Variants in DOCK7 observed in about 807,000 individuals in gnomAD.
DOCK7 encodes dedicator of cytokinesis protein 7.
A neutral mutation model predicts 271.0 loss-of-function variants in DOCK7; 138 were observed. The ratio of observed to expected loss-of-function variants is 0.51; its 90% CI spans 0.44 to 0.59. DOCK7 has a LOEUF of 0.59. Ranked by LOEUF, DOCK7 falls within the 20% of genes least tolerant of loss-of-function variation. DOCK7 has a pLI of 0.00. For synonymous variants in DOCK7, 823 were observed against 876.1 expected (o/e 0.94, Z 1.07); for missense variants, 2,066 against 2,592.4 (o/e 0.80, Z 4.41).
chr1:62,455,885 T>C lies in DOCK7; in HGVS notation c.6381-429A>G, dbSNP rs376968149. On this transcript the variant is annotated intron_variant, in intron 49 of 49. Coordinates refer to ENST00000635253, the MANE Select transcript of DOCK7 (RefSeq NM_001367561.1). Reference sequence around the variant, plus strand: ...ATTATTGAGAACCCCAGGAATCTTTTATGTGGGCTATATATGGATGTTTAT... The same window carrying C: ...ATTATTGAGAACCCCAGGAATCTTTCATGTGGGCTATATATGGATGTTTAT... Among the ~76,000 whole-genome samples, 35 of 152,336 alleles carry C rather than the reference T, an allele frequency of 2.3e-4. No homozygotes were observed. The South Asian group carries it at 7.2e-3, about 32-fold the overall frequency.
intron 21 of DOCK7, among the ~76,000 whole-genome samples, chr1:62,553,348 ATATATATT>A (rs1646008891): frequency 4.4e-5 from 1 of 22,620 alleles, no homozygotes; most frequent in East Asian, 1.8e-3. Flanking sequence ...ATATATATAT[ATATATATT>A]TTTTTTTTTT....
chr1:62,676,669 A>C (rs1660577473), intron 1 of DOCK7, among the ~76,000 whole-genome samples: 1 of 152,174 alleles, frequency 6.6e-6, no homozygotes, highest in Non-Finnish European at 1.5e-5. Context: ...CACTAAGAAA[A>C]TTTTGCACCC....
At chr1:62,617,462 A>C (rs1204132335) in intron 14 of DOCK7, among the ~76,000 whole-genome samples, 4 of 152,090 alleles carry the variant, frequency 2.6e-5, no homozygotes, top group Non-Finnish European at 5.9e-5. Context: ...AAGATAGCCA[A>C]ATTAGTAAGG....
At position 62,648,147 on chromosome 1, in the gene DOCK7, G is replaced by T. The variant is rs1254316274; in HGVS notation, c.691C>A (p.Arg231Ser). 5 of 1,613,288 alleles carry T rather than the reference G, an allele frequency of 3.1e-6. No homozygotes were observed. The highest frequency in any genetic ancestry group is 4.2e-6 in the Non-Finnish European group (5 of 1,179,602). The change falls in exon 6 of 50, where the codon CGT becomes AGT. Residue 231 changes from arginine (R) to serine (S), a missense_variant. By Grantham distance (110) the Arg-to-Ser change is moderately radical (BLOSUM62 -1). Coordinates refer to ENST00000635253, the MANE Select transcript of DOCK7 (RefSeq NM_001367561.1). ...RQNDDQRKSN[R>S]HKELFALHPS... is the part of the protein sequence containing the mutation. ...TGCAAAGCAAAAAGTTCTTTGTGAC[G>T]GTTTGATTTCCTTTGGTCATCATTC...
intron 14 of DOCK7, among the ~76,000 whole-genome samples, chr1:62,617,729 CTTTT>C (rs919688069): frequency 6.6e-6 from 1 of 151,342 alleles, no homozygotes; most frequent in African/African-American, 2.4e-5. Flanking sequence ...TTACCTGTTT[CTTTT>C]TTTTAATGTA....
intron 18 of DOCK7, among the ~76,000 whole-genome samples, chr1:62,564,862 G>A (rs1646458469): frequency 6.6e-6 from 1 of 152,046 alleles, no homozygotes; most frequent in Admixed American, 6.5e-5. Context: ...AACGATAAAG[G>A]GGATATCACC....
rs1021830943 is a variant in DOCK7 at position 62,625,501 on chromosome 1, A to G, written c.1283-100T>C. 3.3e-6 allele frequency: 4 copies of G among 1,211,188 alleles called. No individual in the cohort carries two copies. The African/African-American group carries it at 4.6e-5, about 14-fold the overall frequency. 75.0% of individuals were successfully genotyped at this position (1,211,188 alleles called of 1,614,324 possible). A position where few individuals can be genotyped will look rare whatever the true frequency, so the allele number is the denominator to read the frequency against. On this transcript the variant is annotated intron_variant, in intron 11 of 49. Coordinates refer to ENST00000635253, the MANE Select transcript of DOCK7 (RefSeq NM_001367561.1). ...GGAAGAATCTACTAAATTGAAAATT[A>G]CCCACTCAGCATATCAAGTATAGTA... is the stretch of plus-strand genomic sequence containing the variant.
In DOCK7 at chr1:62,510,568, C is replaced by T. The variant is rs367594876; in HGVS notation, c.4379+9G>A. ...CCCATCAGTAACATAAAATAGAAAGCTGTATTACTTGTCAAGCTTCTCTGT... is the reference window on the plus strand; with the variant it reads ...CCCATCAGTAACATAAAATAGAAAGTTGTATTACTTGTCAAGCTTCTCTGT... On this transcript the variant is annotated intron_variant, in intron 34 of 49. Transcript: ENST00000635253. The T allele has an allele frequency of 5.6e-6, 9 of 1,606,358 alleles. No individual in the cohort carries two copies. The highest frequency in any genetic ancestry group is 7.7e-6 in the Non-Finnish European group (9 of 1,175,372).
chr1:62,688,105 C>G (rs1161171258), intron 1 of DOCK7, 122 bp downstream of exon 1: 1 of 1,151,308 alleles, frequency 8.7e-7, no homozygotes, highest in African/African-American at 1.6e-5. Context: ...CCGCCGCGAG[C>G]CAGGCCGCGG....
At chr1:62,604,044 A>G (rs1199690323) in intron 14 of DOCK7, 1 of 1,613,124 alleles carries the variant, frequency 6.2e-7, no homozygotes, top group Non-Finnish European at 8.5e-7. Flanking sequence ...ATTGAGTTGG[A>G]AGACTGGAAA....
intron 31 of DOCK7, among the ~76,000 whole-genome samples, chr1:62,516,582 T>C (rs1256988482): frequency 6.6e-6 from 1 of 152,064 alleles, no homozygotes; most frequent in Non-Finnish European, 1.5e-5. Context: ...GGTCCCAGAG[T>C]TCTACATTTT....
Position 62,515,954 on chromosome 1 carries a change from G to A in DOCK7, c.3937-2056C>T, listed in dbSNP as rs75911207. Among the ~76,000 whole-genome samples, 1,057 of 152,246 alleles carry A rather than the reference G, an allele frequency of 6.9e-3. 14 individuals carry two copies. Among genetic ancestry groups the A allele is most frequent in the African/African-American group, 0.024 (997 of 41,546 alleles). ...ATCTGAAAATCTGATCTGTGACAGAGCTGGCACTGTGGATCACTACTGAAA... is the reference window on the plus strand; with the variant it reads ...ATCTGAAAATCTGATCTGTGACAGAACTGGCACTGTGGATCACTACTGAAA... On this transcript the variant is annotated intron_variant, in intron 31 of 49. Transcript: ENST00000635253.
intron 12 of DOCK7, among the ~76,000 whole-genome samples, chr1:62,621,538 G>A (rs1395318474): frequency 1.3e-5 from 2 of 152,008 alleles, no homozygotes; most frequent in Non-Finnish European, 2.9e-5. Context: ...AACTCACCTT[G>A]AGCCACAACC....
intron 14 of DOCK7, chr1:62,605,057 A>AT: frequency 2.3e-6 from 1 of 435,312 alleles, no homozygotes. Flanking sequence ...GTGGGAATCA[A>AT]TTTTAGATGG....
intron 48 of DOCK7, among the ~76,000 whole-genome samples, chr1:62,473,008 C>T (rs562181720): frequency 3.9e-5 from 6 of 152,304 alleles, no homozygotes; most frequent in East Asian, 3.9e-4. Context: ...TTTCACTCCA[C>T]GCACCTTTTT....
At chr1:62,668,027 CAAAAT>C (rs1659515022) in intron 1 of DOCK7, among the ~76,000 whole-genome samples, 1 of 151,380 alleles carries the variant, frequency 6.6e-6, no homozygotes, top group African/African-American at 2.4e-5. Context: ...CTCAAAAAAA[CAAAAT>C]AAAATAAATA....
chr1:62,648,395 T>C lies in DOCK7; in HGVS notation c.519+20A>G. 6.8e-7 allele frequency: 1 copy of C among 1,477,066 alleles called. No homozygotes were observed. The highest frequency in any genetic ancestry group is 9.0e-7 in the Non-Finnish European group (1 of 1,116,122). 91.5% of individuals were successfully genotyped at this position (1,477,066 alleles called of 1,614,324 possible). A position where few individuals can be genotyped will look rare whatever the true frequency, so the allele number is the denominator to read the frequency against. ...ATTTTTAAATAACTTCTTATAGTTATTTAAGAATAAAAGTATTACTTGATC... is the reference window on the plus strand; with the variant it reads ...ATTTTTAAATAACTTCTTATAGTTACTTAAGAATAAAAGTATTACTTGATC... On this transcript the variant is annotated intron_variant, in intron 5 of 49. Coordinates refer to ENST00000635253, the MANE Select transcript of DOCK7 (RefSeq NM_001367561.1).
At chr1:62,603,486 T>C (rs35285100) in intron 14 of DOCK7, among the ~76,000 whole-genome samples, 6,549 of 151,868 alleles carry the variant, frequency 0.043, 223 homozygotes, top group Non-Finnish European at 0.066. Context: ...TGTCTTTTTC[T>C]ACAAAGAAAG....
intron 29 of DOCK7, among the ~76,000 whole-genome samples, chr1:62,535,026 T>C (rs1322305914): frequency 6.6e-6 from 1 of 151,480 alleles, no homozygotes; most frequent in African/African-American, 2.4e-5. Context: ...AAGGCAGAGG[T>C]TGCAGTGAGC....
Sources: allele counts gnomAD v4.1 joint callset (sites outside exome capture counted in the v4.1 genomes callset), GRCh38; gene constraint gnomAD v4.1.1; transcripts MANE v1.5; gene names NCBI Gene and HGNC (gene_info 2026-07-23, HGNC 2026-07-21).